TMEM150A: variants seen among roughly 807,000 people sequenced by gnomAD.
TMEM150A encodes the protein transmembrane protein 150A.
A neutral mutation model predicts 29.8 loss-of-function variants in TMEM150A; 18 were observed. That is an observed-to-expected ratio of 0.60 (90% CI 0.42 to 0.90). TMEM150A has a LOEUF of 0.90. Ranked by LOEUF, TMEM150A falls within the 40% of genes least tolerant of loss-of-function variation. TMEM150A has a pLI of 0.00. For missense variants in TMEM150A, 251 were observed against 349.7 expected (o/e 0.72, Z 2.25); for synonymous variants, 127 against 143.6 (o/e 0.88, Z 0.83).
In TMEM150A at chr2:85,601,154, G is replaced by A; in HGVS notation, c.114-47C>T. The A allele has an allele frequency of 1.9e-6, 3 of 1,584,772 alleles. No individual in the cohort carries two copies. The highest frequency in any genetic ancestry group is 2.6e-6 in the Non-Finnish European group (3 of 1,160,856). ...AGACTGGGGGAAGGGACTGCCCCCA[G>A]GCCCTTGGCCTATAGCCTCAGGCCT... is the stretch of plus-strand genomic sequence containing the variant. On this transcript the variant is annotated intron_variant, in intron 3 of 7. Coordinates refer to ENST00000334462, the MANE Select transcript of TMEM150A (RefSeq NM_001031738.3). This position sits in a 1 kb window ranked among gnomAD's most constrained non-coding sequence, Gnocchi z 4.0.
chr2:85,599,053 G>A lies in TMEM150A; in HGVS notation c.*23C>T, dbSNP rs752126789. On this transcript the variant is annotated 3_prime_UTR_variant, in exon 8 of 8. Coordinates refer to ENST00000334462, the MANE Select transcript of TMEM150A (RefSeq NM_001031738.3). The surrounding 1 kb of genome is among the most constrained non-coding windows in gnomAD (Gnocchi z 6.0). ...TATGGGGTGGGGTGCTGTGGAGGCC[G>A]GGCCAGCCACCCTCCCCAGACCTTA... The A allele has an allele frequency of 5.0e-6, 8 of 1,600,300 alleles. No individual in the cohort carries two copies. In the East Asian group the frequency reaches 9.0e-5, roughly 18 times the overall value.
rs1226489116 is a variant in TMEM150A at position 85,601,795 on chromosome 2, C to T, written c.65+89G>A. ...AGGCTTTTGAGACACCCAGAGTGAC[C>T]CTGGGTACCACCGTGGCTATGACAG... On this transcript the variant is annotated intron_variant, in intron 2 of 7. Coordinates refer to ENST00000334462, the MANE Select transcript of TMEM150A (RefSeq NM_001031738.3). This position sits in a 1 kb window ranked among gnomAD's most constrained non-coding sequence, Gnocchi z 4.0. 1 of 1,457,018 alleles carries T rather than the reference C, an allele frequency of 6.9e-7. No homozygotes were observed. The highest frequency in any genetic ancestry group is 1.4e-5 in the African/African-American group (1 of 71,892). The allele number at this position is 1,457,018 out of a possible 1,614,324, so 90.3% of individuals were successfully genotyped here. A position where few individuals can be genotyped will look rare whatever the true frequency, so the allele number is the denominator to read the frequency against.
rs746834217 is a variant in TMEM150A, at chr2:85,601,676, T to C, written c.66-194A>G. On this transcript the variant is annotated intron_variant, in intron 2 of 7. Transcript: ENST00000334462. The surrounding 1 kb of genome is among the most constrained non-coding windows in gnomAD (Gnocchi z 4.0). ...CCCCCAGCTACAGGCCCTCTGGAAA[T>C]TGCCCTGGCTAGAAGTATATTTGTC... The C allele has an allele frequency of 2.1e-4, 182 of 847,944 alleles. No homozygotes were observed. Among genetic ancestry groups the C allele is most frequent in the Non-Finnish European group, 3.1e-4 (164 of 529,854 alleles). 52.5% of individuals were successfully genotyped at this position (847,944 alleles called of 1,614,324 possible). A position where few individuals can be genotyped will look rare whatever the true frequency, so the allele number is the denominator to read the frequency against.
In TMEM150A at chr2:85,599,463, T is replaced by C; in HGVS notation, c.574+62A>G. The C allele has an allele frequency of 6.4e-7, 1 of 1,571,296 alleles. No individual in the cohort carries two copies. The highest frequency in any genetic ancestry group is 8.6e-7 in the Non-Finnish European group (1 of 1,158,822). Reference sequence around the variant, plus strand: ...TGTTAGGCCTCCACCCCCCATCCTCTTGGGAGGGAGAAAGGTTGAGCTAGA... The same window carrying C: ...TGTTAGGCCTCCACCCCCCATCCTCCTGGGAGGGAGAAAGGTTGAGCTAGA... On this transcript the variant is annotated intron_variant, in intron 7 of 7. Coordinates refer to ENST00000334462, the MANE Select transcript of TMEM150A (RefSeq NM_001031738.3). The surrounding 1 kb of genome is among the most constrained non-coding windows in gnomAD (Gnocchi z 6.0).
rs996937909 is a variant in TMEM150A at position 85,599,452 on chromosome 2, C to T, written c.574+73G>A. 17 of 1,566,806 alleles carry T rather than the reference C, an allele frequency of 1.1e-5. No homozygotes were observed. The African/African-American group carries it at 1.9e-4, about 18-fold the overall frequency. On this transcript the variant is annotated intron_variant, in intron 7 of 7. Coordinates refer to ENST00000334462, the MANE Select transcript of TMEM150A (RefSeq NM_001031738.3). The surrounding 1 kb of genome is among the most constrained non-coding windows in gnomAD (Gnocchi z 6.0). ...CCACATGGCAGTGTTAGGCCTCCACCCCCCATCCTCTTGGGAGGGAGAAAG... is the reference window on the plus strand; with the variant it reads ...CCACATGGCAGTGTTAGGCCTCCACTCCCCATCCTCTTGGGAGGGAGAAAG...
chr2:85,601,281 G>C lies in TMEM150A; in HGVS notation c.113+154C>G, dbSNP rs749046563. The C allele has an allele frequency of 6.8e-6, 8 of 1,171,248 alleles. No homozygotes were observed. The highest frequency in any genetic ancestry group is 1.0e-5 in the Non-Finnish European group (8 of 780,086). 72.6% of individuals were successfully genotyped at this position (1,171,248 alleles called of 1,614,324 possible). A position where few individuals can be genotyped will look rare whatever the true frequency, so the allele number is the denominator to read the frequency against. On this transcript the variant is annotated intron_variant, in intron 3 of 7. Coordinates refer to ENST00000334462, the MANE Select transcript of TMEM150A (RefSeq NM_001031738.3). The surrounding 1 kb of genome is among the most constrained non-coding windows in gnomAD (Gnocchi z 4.0). ...CAAAGGGGCAAAGGGATAGTGGGAA[G>C]TGGGTAGGTGGCAAGAAGCCATGCC...
rs755094839 is a variant in TMEM150A at position 85,599,593 on chromosome 2, G to A, written c.506C>T (p.Pro169Leu). 3 of 1,613,900 alleles carry A rather than the reference G, an allele frequency of 1.9e-6. No homozygotes were observed. The highest frequency in any genetic ancestry group is 2.2e-5 in the East Asian group (1 of 44,886). The stretch of plus-strand genomic sequence containing the variant: ...CAGATAGGCCACAGCCAGGTCCAGC[G>A]GGGCGGTGGCCCCTTGGTAGGAGAG... ...CALSYQGATA[P>L]LDLAVAYLRS... is the part of the protein sequence containing the mutation. The change falls in exon 7 of 8, where the codon CCG becomes CTG. Residue 169 changes from proline (P) to leucine (L), a missense_variant. Pro to Leu is a moderately conservative substitution (Grantham distance 98). Transcript: ENST00000334462. The surrounding 1 kb of genome is among the most constrained non-coding windows in gnomAD (Gnocchi z 6.0).
In TMEM150A at chr2:85,599,705, G is replaced by C; in HGVS notation, c.397-3C>G. ...TGCAGAGACCTGGCATGATCCACCT[G>C]GGCCCAGAGAAGGGCCAGTTGGTGA... On this transcript the variant is annotated splice_polypyrimidine_tract_variant and splice_region_variant and intron_variant, in intron 6 of 7. Transcript: ENST00000334462. The surrounding 1 kb of genome is among the most constrained non-coding windows in gnomAD (Gnocchi z 6.0). The C allele has an allele frequency of 6.2e-7, 1 of 1,611,526 alleles. No homozygotes were observed. The highest frequency in any genetic ancestry group is 8.5e-7 in the Non-Finnish European group (1 of 1,179,122).
rs1558830944 is a variant in TMEM150A at position 85,600,365 on chromosome 2, C to T, written c.248G>A (p.Gly83Asp). Reference sequence around the variant, plus strand: ...CTCACCCATGAAAGCACCCATGTTGCCAATGAGGCTGAAGAGGCAGCTTTC... The same window carrying T: ...CTCACCCATGAAAGCACCCATGTTGTCAATGAGGCTGAAGAGGCAGCTTTC... The part of the protein sequence containing the change: ...PPESCLFSLI[G>D]NMGAFMVALI... Residue 83 changes from glycine to aspartate, a missense_variant, in exon 5 of 8, where the codon GGC (glycine) becomes GAC (aspartate). Physicochemically the swap from Gly to Asp is moderately conservative, Grantham distance 94. Transcript: ENST00000334462. 2 of 1,613,966 alleles carry T rather than the reference C, an allele frequency of 1.2e-6. No individual in the cohort carries two copies. Among genetic ancestry groups the T allele is most frequent in the East Asian group, 4.5e-5 (2 of 44,864 alleles).
Position 85,599,681 on chromosome 2 carries a change from G to T in TMEM150A, c.418C>A (p.His140Asn), listed in dbSNP as rs1480546126. Residue 140 changes from histidine to asparagine, a missense_variant, in exon 7 of 8, where the codon CAC (histidine) becomes AAC (asparagine). Physicochemically the swap from His to Asn is moderately conservative, Grantham distance 68 (BLOSUM62 1). Transcript: ENST00000334462. This position sits in a 1 kb window ranked among gnomAD's most constrained non-coding sequence, Gnocchi z 6.0. Reference protein sequence around the residue: ...NFQVDHARSLHYVGAGVAFPA... With the variant: ...NFQVDHARSLNYVGAGVAFPA... ...AAGGCCACGCCAGCTCCAACGTAGT[G>T]CAGAGACCTGGCATGATCCACCTGG... is the stretch of plus-strand genomic sequence containing the variant. The T allele has an allele frequency of 1.2e-6, 2 of 1,613,204 alleles. No individual in the cohort carries two copies. The highest frequency in any genetic ancestry group is 1.7e-6 in the Non-Finnish European group (2 of 1,179,922).
Position 85,599,736 on chromosome 2 carries a change from C to A in TMEM150A, c.397-34G>T. The A allele has an allele frequency of 6.2e-7, 1 of 1,602,050 alleles. No individual in the cohort carries two copies. The highest frequency in any genetic ancestry group is 1.1e-5 in the South Asian group (1 of 89,786). On this transcript the variant is annotated intron_variant, in intron 6 of 7. Transcript: ENST00000334462. The surrounding 1 kb of genome is among the most constrained non-coding windows in gnomAD (Gnocchi z 6.0). The stretch of plus-strand genomic sequence containing the variant: ...AGAGAAGGGCCAGTTGGTGATGTGG[C>A]CATGGCCCCACCTCTCCACCCCTCC...
chr2:85,601,249 CAGTAACCAA>C lies in TMEM150A; in HGVS notation c.114-151_114-143del. On this transcript the variant is annotated intron_variant, in intron 3 of 7. Transcript: ENST00000334462. This position sits in a 1 kb window ranked among gnomAD's most constrained non-coding sequence, Gnocchi z 4.0. ...CCCACTCCCCAGTGCCCGCCTGAAG[CAGTAACCAA>C]AGGGGCAAAGGGATAGTGGGAAGTG... The C allele has an allele frequency of 8.5e-7, 1 of 1,179,544 alleles. No homozygotes were observed. The highest frequency in any genetic ancestry group is 1.3e-6 in the Non-Finnish European group (1 of 796,850). 73.1% of individuals were successfully genotyped at this position (1,179,544 alleles called of 1,614,324 possible). A position where few individuals can be genotyped will look rare whatever the true frequency, so the allele number is the denominator to read the frequency against.
chr2:85,600,170 C>T (rs1443985022), intron 5 of TMEM150A, 152 bp from the exon 6 acceptor site: 11 of 1,326,446 alleles, frequency 8.3e-6, no homozygotes, highest in Non-Finnish European at 9.3e-6. Flanking sequence ...TCCTCAGGCT[C>T]CAGCCAGCAG....
rs1672959616 is a variant in TMEM150A, at chr2:85,601,536, C to A, written c.66-54G>T. 2 of 1,577,590 alleles carry A rather than the reference C, an allele frequency of 1.3e-6. No individual in the cohort carries two copies. Among genetic ancestry groups the A allele is most frequent in the African/African-American group, 2.7e-5 (2 of 74,254 alleles). On this transcript the variant is annotated intron_variant, in intron 2 of 7. Coordinates refer to ENST00000334462, the MANE Select transcript of TMEM150A (RefSeq NM_001031738.3). This position sits in a 1 kb window ranked among gnomAD's most constrained non-coding sequence, Gnocchi z 4.0. ...GCCTTCCCGAGCCCCACTCAACCCA[C>A]CCCATGACCCTTCTCTTCAACCTTG...
chr2:85,600,168 C>T, intron 5 of TMEM150A, 150 bp from the exon 6 acceptor site: 1 of 1,326,886 alleles, frequency 7.5e-7, no homozygotes, highest in Non-Finnish European at 1.0e-6. Context: ...TTTCCTCAGG[C>T]TCCAGCCAGC....
chr2:85,600,902 T>G (rs1322278784), intron 4 of TMEM150A, 119 bp downstream of exon 4: 2 of 851,356 alleles, frequency 2.3e-6, no homozygotes, highest in Admixed American at 5.6e-5. Flanking sequence ...CAAGTAGTGT[T>G]GTTATTAAGT....
chr2:85,599,082 C>G lies in TMEM150A; in HGVS notation c.810G>C (p.Met270Ile), dbSNP rs779710966. 6.2e-7 allele frequency: 1 copy of G among 1,613,204 alleles called. No individual in the cohort carries two copies. Among genetic ancestry groups the G allele is most frequent in the East Asian group, 2.2e-5 (1 of 44,880 alleles). Reference sequence around the variant, plus strand: ...CAGCCACCCTCCCCAGACCTTAGATCATAGCGATGCTCTCGGGGGCACAGT... The same window carrying G: ...CAGCCACCCTCCCCAGACCTTAGATGATAGCGATGCTCTCGGGGGCACAGT... Reference protein sequence around the residue: ...HLNCAPESIAMI With the variant: ...HLNCAPESIAII Residue 270 changes from methionine to isoleucine, a missense_variant, in exon 8 of 8, where the codon ATG becomes ATC. By Grantham distance (10) the Met-to-Ile change is conservative. Transcript: ENST00000334462. The surrounding 1 kb of genome is among the most constrained non-coding windows in gnomAD (Gnocchi z 6.0).
At chr2:85,600,150 G>A in intron 5 of TMEM150A, 132 bp from the exon 6 acceptor site, 1 of 1,368,676 alleles carries the variant, frequency 7.3e-7, no homozygotes, top group Non-Finnish European at 9.9e-7. Flanking sequence ...GGCGGGTGGT[G>A]AACTAGGTTT....
Position 85,599,776 on chromosome 2 carries a change from T to TCTCTCCCTCTTCCTTC in TMEM150A, c.397-90_397-75dup, listed in dbSNP as rs1413192452. ...TCCACCCCTCCTTCAATGAATCTCC[T>TCTCTCCCTCTTCCTTC]CTCTCCCTCTTCCTTCCTCTCCCTC... On this transcript the variant is annotated intron_variant, in intron 6 of 7. Transcript: ENST00000334462. The surrounding 1 kb of genome is among the most constrained non-coding windows in gnomAD (Gnocchi z 6.0). The TCTCTCCCTCTTCCTTC allele has an allele frequency of 3.1e-5, 49 of 1,585,570 alleles. No homozygotes were observed. The highest frequency in any genetic ancestry group is 2.1e-4 in the Middle Eastern group (1 of 4,794).
Sources: allele counts gnomAD v4.1 joint callset, GRCh38; gene constraint gnomAD v4.1.1; non-coding constraint Gnocchi (gnomAD v3.1); transcripts MANE v1.5; gene names NCBI Gene and HGNC (gene_info 2026-07-23, HGNC 2026-07-21).